The following PKIB variants were observed in gnomAD, a reference collection of about 807,000 sequenced individuals.
PKIB encodes PKI-beta.
A neutral mutation model predicts 4.5 loss-of-function variants in PKIB; 2 were observed. The observed-to-expected ratio is 0.44, with a 90% CI of 0.18 to 1.39. The LOEUF (loss-of-function observed/expected upper bound fraction) is 1.39, where lower values mean the gene tolerates loss of function less well. Among genes scored for constraint, PKIB ranks in the 40% most tolerant of loss-of-function variants. The pLI, the probability that PKIB is intolerant of heterozygous loss-of-function variation, is 0.27. For missense variants in PKIB, 94 were observed against 92.6 expected (o/e 1.02, Z -0.06); for synonymous variants, 38 against 36.0 (o/e 1.06, Z -0.20).
chr6:122,591,258 G>A (rs1213960879), intron 3 of PKIB, among the ~76,000 whole-genome samples: 3 of 150,894 alleles, frequency 2.0e-5, no homozygotes, highest in Non-Finnish European at 3.0e-5. Flanking sequence ...TTAGACAAAC[G>A]TTTTCTAACT....
At chr6:122,559,467 A>C (rs1772952826) in intron 2 of PKIB, among the ~76,000 whole-genome samples, 1 of 151,986 alleles carries the variant, frequency 6.6e-6, no homozygotes, top group Non-Finnish European at 1.5e-5. Flanking sequence ...GTTTGAAATC[A>C]GGTAGTGTGA....
At chr6:122,473,480 G>C (rs1775365127) in intron 1 of PKIB, among the ~76,000 whole-genome samples, 1 of 151,994 alleles carries the variant, frequency 6.6e-6, no homozygotes, top group Non-Finnish European at 1.5e-5. Context: ...TGTAACACTT[G>C]GCCTTGAAAT....
chr6:122,552,663 C>A (rs1772711979), intron 2 of PKIB, among the ~76,000 whole-genome samples: 1 of 152,126 alleles, frequency 6.6e-6, no homozygotes, highest in Non-Finnish European at 1.5e-5. Context: ...CAGGCACGAG[C>A]CACCACACCC....
intron 3 of PKIB, among the ~76,000 whole-genome samples, chr6:122,710,917 T>G (rs1779249223): frequency 6.6e-6 from 1 of 152,076 alleles, no homozygotes; most frequent in Non-Finnish European, 1.5e-5. Flanking sequence ...GGAGTATAAA[T>G]AGGGTTTGAG....
At chr6:122,591,818 C>T (rs558131895) in intron 3 of PKIB, among the ~76,000 whole-genome samples, 13 of 151,792 alleles carry the variant, frequency 8.6e-5, no homozygotes, top group South Asian at 2.1e-4. Context: ...CTTAAGCAAT[C>T]GTCCCTCTTC....
In PKIB at chr6:122,498,515, T is replaced by A. The variant is rs190071499; in HGVS notation, c.-248+20576T>A. 4.0e-3 allele frequency among the ~76,000 whole-genome samples: 608 copies of A among 152,284 alleles called. 4 individuals carry two copies. Among genetic ancestry groups the A allele is most frequent in the African/African-American group, 0.014 (591 of 41,542 alleles). On this transcript the variant is annotated intron_variant, in intron 2 of 6. Transcript: ENST00000392491. ...CAAAAATAAGGCAGGAATAAAATAC[T>A]TTTTTGAAATAAAACAGACACAACA...
chr6:122,724,225 G>A (rs1246439963), intron 4 of PKIB, among the ~76,000 whole-genome samples: 6 of 152,158 alleles, frequency 3.9e-5, no homozygotes, highest in Non-Finnish European at 7.3e-5. Flanking sequence ...TTGTGGGAAC[G>A]AAGGAGCCAG....
chr6:122,490,620 C>T lies in PKIB; in HGVS notation c.-248+12681C>T, dbSNP rs186321961. On this transcript the variant is annotated intron_variant, in intron 2 of 6. Transcript: ENST00000392491. The stretch of plus-strand genomic sequence containing the variant: ...CTTCTCTCTTTCTTGCTCTCATTCT[C>T]ATCATGTGGCATATTGGCTACCCTT... Among the ~76,000 whole-genome samples, 127 of 152,198 alleles carry T rather than the reference C, an allele frequency of 8.3e-4. 1 individual carries two copies. Among genetic ancestry groups the T allele is most frequent in the African/African-American group, 3.0e-3 (123 of 41,536 alleles).
chr6:122,578,651 C>G (rs778310477), intron 2 of PKIB, among the ~76,000 whole-genome samples: 2 of 152,174 alleles, frequency 1.3e-5, no homozygotes, highest in Non-Finnish European at 2.9e-5. Flanking sequence ...CCTGGGCCCA[C>G]AGAGCCTGTC....
rs1772550032 is a variant in PKIB at position 122,547,834 on chromosome 6, TTATGGCTACACAGCTGTGATTATA to T, written c.-247-38084_-247-38061del. On this transcript the variant is annotated intron_variant, in intron 2 of 6. Transcript: ENST00000392491. ...GAGCCAGGTGATGAGCCTTCCCATA[TTATGGCTACACAGCTGTGATTATA>T]TAACAAGTGGAGTTATGCGTCTGTG... Among the ~76,000 whole-genome samples, 6 of 152,298 alleles carry T rather than the reference TTATGGCTACACAGCTGTGATTATA, an allele frequency of 3.9e-5. No homozygotes were observed. In the South Asian group the frequency reaches 1.2e-3, roughly 32 times the overall value.
At chr6:122,634,488 T>C (rs1775831652) in intron 2 of PKIB, among the ~76,000 whole-genome samples, 1 of 152,112 alleles carries the variant, frequency 6.6e-6, no homozygotes, top group African/African-American at 2.4e-5. Context: ...GCAGCTTAGA[T>C]GACAGAGCAA....
chr6:122,495,723 C>T (rs943797155), intron 2 of PKIB, among the ~76,000 whole-genome samples: 4 of 152,144 alleles, frequency 2.6e-5, no homozygotes, highest in African/African-American at 4.8e-5. Flanking sequence ...AAATGTGGAG[C>T]CACCCCTTTA....
chr6:122,634,549 C>G (rs1395211830), intron 2 of PKIB, among the ~76,000 whole-genome samples: 6 of 152,034 alleles, frequency 3.9e-5, no homozygotes, highest in Non-Finnish European at 8.8e-5. Flanking sequence ...AGTTCTTCTC[C>G]CCCTCTCAGA....
chr6:122,704,050 A>G (rs1409405359), intron 3 of PKIB, among the ~76,000 whole-genome samples: 1 of 151,682 alleles, frequency 6.6e-6, no homozygotes, highest in Non-Finnish European at 1.5e-5. Flanking sequence ...AGCTAATGAT[A>G]TGGTTCCAGT....
intron 2 of PKIB, among the ~76,000 whole-genome samples, chr6:122,515,857 A>G (rs903749321): frequency 1.3e-5 from 2 of 152,098 alleles, no homozygotes; most frequent in South Asian, 4.1e-4. Context: ...CTGGGACTAC[A>G]GGCTCGCACC....
chr6:122,504,275 C>T (rs2114565507), intron 2 of PKIB, among the ~76,000 whole-genome samples: 1 of 152,100 alleles, frequency 6.6e-6, no homozygotes, highest in Admixed American at 6.5e-5. Flanking sequence ...CTGGTTCTTC[C>T]TTATTTTAGA....
intron 2 of PKIB, among the ~76,000 whole-genome samples, chr6:122,665,700 GA>G (rs112997095): frequency 1.1e-4 from 16 of 150,632 alleles, no homozygotes; most frequent in African/African-American, 1.5e-4. Context: ...AGTTTTTAAT[GA>G]AAAAAAAACT....
At chr6:122,471,948 C>G in exon 1 of PKIB, 1 of 1,141,902 alleles carries the variant, frequency 8.8e-7, no homozygotes, top group Non-Finnish European at 1.2e-6. Context: ...GACGACACGG[C>G]TGTCTTCTTT....
At chr6:122,622,937 T>A (rs1409981440) in intron 1 of PKIB, among the ~76,000 whole-genome samples, 3 of 152,224 alleles carry the variant, frequency 2.0e-5, no homozygotes, top group Non-Finnish European at 2.9e-5. Context: ...TACTTTGATT[T>A]CAGTTTCTTT....
Sources: gnomAD v4.1 joint callset for allele counts (sites outside exome capture counted in the v4.1 genomes callset) on GRCh38, gnomAD v4.1.1 for gene constraint, MANE v1.5 for transcripts, NCBI Gene and HGNC (gene_info 2026-07-23, HGNC 2026-07-21) for gene names.